HIVEP3: variants seen among roughly 807,000 people sequenced by gnomAD.
HIVEP3 encodes the protein transcription factor HIVEP3.
A neutral mutation model predicts 152.8 loss-of-function variants in HIVEP3; 49 were observed. The observed-to-expected ratio is 0.32, with a 90% confidence interval of 0.26 to 0.41. The LOEUF (loss-of-function observed/expected upper bound fraction) is 0.41. Ranked by LOEUF, HIVEP3 falls within the 10% of genes least tolerant of loss-of-function variation. The pLI is 1.00. For missense variants in HIVEP3, 2,790 were observed against 3,103.3 expected (o/e 0.90, Z 2.40); for synonymous variants, 1,269 against 1,289.0 (o/e 0.98, Z 0.33).
chr1:41,633,480 G>A (rs943378928), intron 2 of HIVEP3, among the ~76,000 whole-genome samples: 8 of 152,138 alleles, frequency 5.3e-5, no homozygotes, highest in African/African-American at 1.9e-4. Flanking sequence ...TGACCAAAGT[G>A]AGAGTTGGGC....
At chr1:41,811,090 T>C (rs1650929717) in intron 1 of HIVEP3, among the ~76,000 whole-genome samples, 4 of 137,486 alleles carry the variant, frequency 2.9e-5, no homozygotes, top group Admixed American at 2.8e-4. Flanking sequence ...AGTCCTCCAA[T>C]GACCAGATTT....
At chr1:41,621,511 C>CTTCTG (rs1474889440) in intron 3 of HIVEP3, among the ~76,000 whole-genome samples, 3 of 152,290 alleles carry the variant, frequency 2.0e-5, no homozygotes, top group African/African-American at 7.2e-5. Context: ...TCTTCTTCTT[C>CTTCTG]TTTTGTTTTG....
intron 1 of HIVEP3, among the ~76,000 whole-genome samples, chr1:41,905,875 G>T (rs754555816): frequency 6.6e-6 from 1 of 152,202 alleles, no homozygotes; most frequent in Non-Finnish European, 1.5e-5. Flanking sequence ...CACAAGGATA[G>T]ACAGAATGTG....
chr1:41,758,399 G>A (rs1647455529), intron 1 of HIVEP3, among the ~76,000 whole-genome samples: 1 of 152,246 alleles, frequency 6.6e-6, no homozygotes. Flanking sequence ...ACACAGGACA[G>A]AAACCTGCAG....
At chr1:41,552,182 T>C (rs1195514815) in intron 5 of HIVEP3, among the ~76,000 whole-genome samples, 1 of 152,258 alleles carries the variant, frequency 6.6e-6, no homozygotes, top group Non-Finnish European at 1.5e-5. Flanking sequence ...TTCCATGTAG[T>C]TGTGCGGTTT....
intron 5 of HIVEP3, among the ~76,000 whole-genome samples, chr1:41,574,622 C>G (rs1305470600): frequency 6.6e-6 from 1 of 152,182 alleles, no homozygotes; most frequent in East Asian, 1.9e-4. Context: ...CTTGCAGGTG[C>G]TAGAGGATCA....
intron 1 of HIVEP3, among the ~76,000 whole-genome samples, chr1:41,744,509 A>G (rs947930935): frequency 6.6e-6 from 1 of 152,208 alleles, no homozygotes; most frequent in Non-Finnish European, 1.5e-5. Context: ...TTAGGAGTTT[A>G]TGTCAAATGG....
At chr1:41,620,817 A>T (rs903728043) in intron 3 of HIVEP3, among the ~76,000 whole-genome samples, 11 of 152,108 alleles carry the variant, frequency 7.2e-5, no homozygotes, top group African/African-American at 2.4e-4. Context: ...CTTTCCTTCA[A>T]GCAAACAGAA....
At chr1:41,793,070 C>A (rs1027496183) in intron 1 of HIVEP3, among the ~76,000 whole-genome samples, 1 of 152,236 alleles carries the variant, frequency 6.6e-6, no homozygotes, top group African/African-American at 2.4e-5. Flanking sequence ...TCAGCCCACA[C>A]AGGAGTGGCC....
chr1:41,638,226 AAGAG>A (rs1415656759), intron 2 of HIVEP3, among the ~76,000 whole-genome samples: 9 of 149,838 alleles, frequency 6.0e-5, no homozygotes, highest in East Asian at 5.9e-4. Context: ...GAAAGAAAGA[AAGAG>A]AGAGACAGAG....
chr1:41,582,320 G>A lies in HIVEP3; in HGVS notation c.2478C>T (p.Ala826=). The change falls in exon 4 of 9, where the codon GCC becomes GCT. Residue 826 remains alanine (A), a synonymous_variant. Coordinates refer to ENST00000372583, the MANE Select transcript of HIVEP3 (RefSeq NM_024503.5). The surrounding 1 kb of genome is among the most constrained non-coding windows in gnomAD (Gnocchi z 4.7). ...SGLEGEDKPL[A]QFPSPPPAPH... is the part of the protein sequence containing the mutation. ...GGGCAGGTGGGGGTGATGGGAACTG[G>A]GCCAGAGGTTTGTCTTCCCCTTCCA... 3.1e-6 allele frequency: 5 copies of A among 1,614,148 alleles called. No individual in the cohort carries two copies. The South Asian group carries it at 3.3e-5, about 11-fold the overall frequency.
intron 2 of HIVEP3, among the ~76,000 whole-genome samples, chr1:41,656,207 T>C (rs1306574564): frequency 1.3e-5 from 2 of 152,120 alleles, no homozygotes; most frequent in Admixed American, 1.3e-4. Flanking sequence ...AAAAAGCTGG[T>C]AAAATCCCCA....
At chr1:41,597,818 C>A (rs1644688182) in intron 3 of HIVEP3, among the ~76,000 whole-genome samples, 1 of 152,290 alleles carries the variant, frequency 6.6e-6, no homozygotes, top group East Asian at 1.9e-4. Flanking sequence ...AGTGTTTAAG[C>A]CTTGCTTCCA....
chr1:41,795,806 T>A (rs1649949936), intron 1 of HIVEP3, among the ~76,000 whole-genome samples: 1 of 152,242 alleles, frequency 6.6e-6, no homozygotes, highest in Non-Finnish European at 1.5e-5. Context: ...ACCATCTTTT[T>A]TTGTCTTGCT....
At chr1:41,903,053 C>A (rs892276386) in intron 1 of HIVEP3, among the ~76,000 whole-genome samples, 4 of 152,148 alleles carry the variant, frequency 2.6e-5, no homozygotes, top group Non-Finnish European at 4.4e-5. Flanking sequence ...ATTATTATCA[C>A]AGTACTGTGA....
intron 1 of HIVEP3, among the ~76,000 whole-genome samples, chr1:41,738,098 G>T (rs1646944923): frequency 6.6e-6 from 1 of 152,230 alleles, no homozygotes; most frequent in Admixed American, 6.5e-5. Context: ...GCCACCTCTG[G>T]GAGGGCAGGG....
At chr1:41,833,468 G>A (rs1039917350) in intron 1 of HIVEP3, among the ~76,000 whole-genome samples, 1 of 152,146 alleles carries the variant, frequency 6.6e-6, no homozygotes, top group African/African-American at 2.4e-5. Context: ...TCCTATCCTA[G>A]AGGCAAGGAA....
chr1:41,828,810 C>G (rs1223417799), intron 1 of HIVEP3, among the ~76,000 whole-genome samples: 1 of 152,258 alleles, frequency 6.6e-6, no homozygotes, highest in African/African-American at 2.4e-5. Flanking sequence ...AATTCTCCAT[C>G]CAGAATCCCT....
At chr1:41,577,561 T>C (rs1435276106) in intron 4 of HIVEP3, among the ~76,000 whole-genome samples, 2 of 152,180 alleles carry the variant, frequency 1.3e-5, no homozygotes, top group African/African-American at 2.4e-5. Flanking sequence ...CTGGGGTTTC[T>C]CCAGGGTTTA....
Sources: allele counts gnomAD v4.1 joint callset (sites outside exome capture counted in the v4.1 genomes callset), GRCh38; gene constraint gnomAD v4.1.1; non-coding constraint Gnocchi (gnomAD v3.1); transcripts MANE v1.5; gene names NCBI Gene and HGNC (gene_info 2026-07-23, HGNC 2026-07-21).